The following EML6 variants were observed in gnomAD, a reference collection of about 807,000 sequenced individuals.
EML6 encodes EMAP like 6.
A neutral mutation model predicts 240.1 loss-of-function variants in EML6; 154 were observed. The observed-to-expected ratio is 0.64, with a 90% CI of 0.56 to 0.73. The LOEUF (loss-of-function observed/expected upper bound fraction) is 0.73. Ranked by LOEUF, EML6 falls within the 30% of genes least tolerant of loss-of-function variation. The pLI, the probability that EML6 is intolerant of heterozygous loss-of-function variation, is 0.00. For missense variants in EML6, 2,964 were observed against 2,474.6 expected, an observed-to-expected ratio of 1.20 and a Z score of -4.20; for synonymous variants, 1,148 against 899.0, an observed-to-expected ratio of 1.28 and a Z score of -4.95.
chr2:54,863,377 G>A (rs1440047100), intron 12 of EML6, among the ~76,000 whole-genome samples: 1 of 152,154 alleles, frequency 6.6e-6, no homozygotes, highest in Non-Finnish European at 1.5e-5. Flanking sequence ...AAAATTAACT[G>A]GGCATGGTGG....
chr2:54,958,335 G>T (rs1302323983), intron 33 of EML6, among the ~76,000 whole-genome samples: 3 of 152,046 alleles, frequency 2.0e-5, no homozygotes, highest in Non-Finnish European at 2.9e-5. Context: ...GGGACTATAG[G>T]CACCTGCCAC....
At chr2:54,888,091 A>G (rs1472148635) in intron 17 of EML6, among the ~76,000 whole-genome samples, 1 of 152,222 alleles carries the variant, frequency 6.6e-6, no homozygotes, top group Non-Finnish European at 1.5e-5. Flanking sequence ...TTGTGAAAAG[A>G]AAGACTTTAT....
intron 28 of EML6, among the ~76,000 whole-genome samples, chr2:54,943,109 C>T (rs1337590305): frequency 6.6e-6 from 1 of 152,216 alleles, no homozygotes; most frequent in Admixed American, 6.5e-5. Flanking sequence ...TCTCAGCAGT[C>T]ATCCAGGTTT....
chr2:54,876,176 CT>C (rs1187646251), intron 16 of EML6, among the ~76,000 whole-genome samples: 1 of 152,162 alleles, frequency 6.6e-6, no homozygotes, highest in African/African-American at 2.4e-5. Flanking sequence ...AAATAAAAAA[CT>C]TCAACTAACT....
chr2:54,766,588 G>A (rs1447379219), intron 2 of EML6, among the ~76,000 whole-genome samples: 1 of 151,924 alleles, frequency 6.6e-6, no homozygotes, highest in Non-Finnish European at 1.5e-5. Context: ...TGGTTTAGGG[G>A]ATCTGCCAGA....
Position 54,863,802 on chromosome 2 carries a change from C to T in EML6, c.1845C>T (p.Tyr615=). 1 of 1,545,126 alleles carries T rather than the reference C, an allele frequency of 6.5e-7. No homozygotes were observed. ...CTGCAGAAGGTGGAGCTGATTCCTACAGTGAAGAATCTGATTCAGATTTAT... is the reference window on the plus strand; with the variant it reads ...CTGCAGAAGGTGGAGCTGATTCCTATAGTGAAGAATCTGATTCAGATTTAT... ...TAPQEGGADS[Y]SEESDSDLSD... is the part of the protein sequence containing the mutation. The change falls in exon 13 of 42, where the codon TAC becomes TAT. Residue 615 remains tyrosine (Y), a synonymous_variant. Coordinates refer to ENST00000356458, the MANE Select transcript of EML6 (RefSeq NM_001039753.4).
rs149867206 is a variant in EML6, at chr2:54,821,486, G to A, written c.525+1024G>A. Among the ~76,000 whole-genome samples, 361 of 152,204 alleles carry A rather than the reference G, an allele frequency of 2.4e-3. 7 individuals are homozygous for A. Among genetic ancestry groups the A allele is most frequent in the Non-Finnish European group, 2.9e-3 (194 of 67,962 alleles). ...CTCCAAATTTATATTTGGTAGAAAT[G>A]CAGTTAAAATCCCTATTACTTTTGT... On this transcript the variant is annotated intron_variant, in intron 5 of 41. Coordinates refer to ENST00000356458, the MANE Select transcript of EML6 (RefSeq NM_001039753.4).
intron 4 of EML6, among the ~76,000 whole-genome samples, chr2:54,819,540 G>C (rs926082982): frequency 2.0e-5 from 3 of 152,164 alleles, no homozygotes; most frequent in African/African-American, 7.2e-5. Context: ...CACTTTGAGA[G>C]GCCAAGGCAG....
At position 54,768,914 on chromosome 2, in the gene EML6, A is replaced by T. The variant is rs533255992; in HGVS notation, c.197+43656A>T. Among the ~76,000 whole-genome samples, 4 of 152,296 alleles carry T rather than the reference A, an allele frequency of 2.6e-5. No homozygotes were observed. In the South Asian group the frequency reaches 8.3e-4, roughly 32 times the overall value. ...CCCAATCTATGATTTATAGGTTCTA[A>T]TTGAAATACTTCTCATGTTCATGTC... On this transcript the variant is annotated intron_variant, in intron 2 of 41. Coordinates refer to ENST00000356458, the MANE Select transcript of EML6 (RefSeq NM_001039753.4).
At chr2:54,778,843 G>C (rs1668715698) in intron 2 of EML6, among the ~76,000 whole-genome samples, 1 of 141,484 alleles carries the variant, frequency 7.1e-6, no homozygotes, top group African/African-American at 2.8e-5. Context: ...AGTGAGCCGA[G>C]ATTGTGCCAC....
At chr2:54,911,429 A>AG (rs1389137359) in intron 25 of EML6, among the ~76,000 whole-genome samples, 2 of 143,378 alleles carry the variant, frequency 1.4e-5, no homozygotes, top group Non-Finnish European at 3.0e-5. Context: ...CTATAACAAC[A>AG]GAATTTTTTT....
chr2:54,892,389 CCTT>C, intron 18 of EML6, 62 bp from the exon 19 acceptor site: 2 of 1,055,318 alleles, frequency 1.9e-6, no homozygotes, highest in Non-Finnish European at 2.8e-6. Flanking sequence ...TGGAAGTAGT[CCTT>C]CTACATGCTT....
intron 28 of EML6, among the ~76,000 whole-genome samples, chr2:54,931,547 A>T (rs536643763): frequency 3.9e-5 from 6 of 152,256 alleles, no homozygotes; most frequent in African/African-American, 1.4e-4. Context: ...GCAGCTCCTG[A>T]TACTGTTTTC....
At position 54,899,739 on chromosome 2, in the gene EML6, A is replaced by G. The variant is rs1471275949; in HGVS notation, c.3081A>G (p.Leu1027=). Residue 1027 remains leucine, a synonymous_variant, in exon 22 of 42, where the codon CTA becomes CTG. Coordinates refer to ENST00000356458, the MANE Select transcript of EML6 (RefSeq NM_001039753.4). ...SDDKTLRIWE[L]SAQHRMLAVR... Reference sequence around the variant, plus strand: ...ATAAAACACTTCGCATCTGGGAACTATCTGCCCAGCACCGTATGCTGGCAG... The same window carrying G: ...ATAAAACACTTCGCATCTGGGAACTGTCTGCCCAGCACCGTATGCTGGCAG... The G allele has an allele frequency of 6.4e-7, 1 of 1,551,958 alleles. No homozygotes were observed. Among genetic ancestry groups the G allele is most frequent in the African/African-American group, 1.4e-5 (1 of 73,186 alleles).
chr2:54,854,374 C>G (rs1192828242), intron 11 of EML6, among the ~76,000 whole-genome samples: 2 of 152,070 alleles, frequency 1.3e-5, no homozygotes. Flanking sequence ...CAAAGCAACC[C>G]TCTTTGCCCT....
intron 10 of EML6, chr2:54,850,502 A>G (rs1215702211): frequency 2.9e-6 from 1 of 339,116 alleles, no homozygotes; most frequent in African/African-American, 2.0e-5. Flanking sequence ...GACTAGGCAT[A>G]AATTCTTGCC....
At chr2:54,944,311 C>T (rs1023805251) in intron 28 of EML6, among the ~76,000 whole-genome samples, 1 of 152,148 alleles carries the variant, frequency 6.6e-6, no homozygotes. Context: ...ATGATACAAC[C>T]ATCTGTCCAG....
chr2:54,948,426 C>T (rs758570716), intron 28 of EML6, among the ~76,000 whole-genome samples: 6 of 152,172 alleles, frequency 3.9e-5, no homozygotes, highest in Non-Finnish European at 7.3e-5. Flanking sequence ...CTTGTAAGTG[C>T]CACTTCACGC....
At chr2:54,865,221 G>A (rs1670906399) in intron 13 of EML6, among the ~76,000 whole-genome samples, 1 of 151,732 alleles carries the variant, frequency 6.6e-6, no homozygotes, top group East Asian at 1.9e-4. Flanking sequence ...AGGCACAGTG[G>A]CTCATTCCTG....
Sources: allele counts gnomAD v4.1 joint callset (sites outside exome capture counted in the v4.1 genomes callset), GRCh38; gene constraint gnomAD v4.1.1; transcripts MANE v1.5; gene names NCBI Gene and HGNC (gene_info 2026-07-23, HGNC 2026-07-21).